DPP6: variants seen among roughly 807,000 people sequenced by gnomAD.
DPP6 encodes the protein A-type potassium channel modulatory protein DPP6.
A neutral mutation model predicts 122.6 loss-of-function variants in DPP6; 69 were observed. The observed-to-expected ratio is 0.56, with a 90% CI of 0.46 to 0.69. The LOEUF (loss-of-function observed/expected upper bound fraction) is 0.69, where lower values mean the gene tolerates loss of function less well. Ranked by LOEUF, DPP6 falls within the 30% of genes least tolerant of loss-of-function variation. The pLI is 0.00. For missense variants in DPP6, 928 were observed against 1,116.9 expected, an observed-to-expected ratio of 0.83 and a Z score of 2.41; for synonymous variants, 418 against 433.1, an observed-to-expected ratio of 0.97 and a Z score of 0.43.
At chr7:154,480,772 G>T (rs1432250679) in intron 3 of DPP6, among the ~76,000 whole-genome samples, 1 of 151,962 alleles carries the variant, frequency 6.6e-6, no homozygotes, top group Admixed American at 6.6e-5. Flanking sequence ...ATATCTCCAA[G>T]TCTCAGTCCT....
intron 1 of DPP6, among the ~76,000 whole-genome samples, chr7:154,430,481 A>G (rs1391593133): frequency 1.3e-5 from 2 of 152,198 alleles, no homozygotes; most frequent in Non-Finnish European, 1.5e-5. Flanking sequence ...GAGAGCACAG[A>G]GCAGGCTCTT....
chr7:154,671,782 C>G (rs1838571881), intron 7 of DPP6, among the ~76,000 whole-genome samples: 1 of 152,138 alleles, frequency 6.6e-6, no homozygotes, highest in Non-Finnish European at 1.5e-5. Context: ...TGTTTAACCT[C>G]TTACAGAATA....
intron 1 of DPP6, among the ~76,000 whole-genome samples, chr7:154,182,993 TG>T (rs1396893246): frequency 6.6e-6 from 1 of 152,162 alleles, no homozygotes; most frequent in African/African-American, 2.4e-5. Context: ...GGTGTTCTTT[TG>T]GGGGATTTCT....
chr7:154,329,238 G>A (rs1435185512), intron 1 of DPP6, among the ~76,000 whole-genome samples: 1 of 152,224 alleles, frequency 6.6e-6, no homozygotes, highest in Admixed American at 6.5e-5. Flanking sequence ...AGTCCAGCAT[G>A]GTCCCATAGA....
At position 154,654,419 on chromosome 7, in the gene DPP6, T is replaced by TTCCTTCCTTCCTTCCTTCCTTCTTTCTC. The variant is rs1563065162; in HGVS notation, c.681-14939_681-14938insCTTCCTTCCTTCCTTCCTTCTTTCTCTC. ...TATATCCAAATCTTTCTTTCTTTCT[T>TTCCTTCCTTCCTTCCTTCCTTCTTTCTC]TCTTTCTTTCTTTTTTTGATACAGC... On this transcript the variant is annotated intron_variant, in intron 6 of 25. Coordinates refer to ENST00000377770, the MANE Select transcript of DPP6 (RefSeq NM_130797.4). Among the ~76,000 whole-genome samples the TTCCTTCCTTCCTTCCTTCCTTCTTTCTC allele has an allele frequency of 2.2e-5, 2 of 89,170 alleles. 1 individual carries two copies. Among genetic ancestry groups the TTCCTTCCTTCCTTCCTTCCTTCTTTCTC allele is most frequent in the Non-Finnish European group, 5.0e-5 (2 of 40,268 alleles). The allele number at this position is 89,170 out of a possible 152,430, so 58.5% of individuals were successfully genotyped here.
At chr7:154,417,556 A>C (rs1817132171) in intron 1 of DPP6, among the ~76,000 whole-genome samples, 2 of 149,864 alleles carry the variant, frequency 1.3e-5, no homozygotes, top group African/African-American at 2.5e-5. Context: ...TTCCCTCCCC[A>C]CCTCCCACCC....
intron 1 of DPP6, among the ~76,000 whole-genome samples, chr7:154,161,209 G>GA (rs1796963303): frequency 6.6e-6 from 1 of 152,296 alleles, no homozygotes; most frequent in Non-Finnish European, 1.5e-5. Flanking sequence ...AGGGTAACAT[G>GA]ATTGCTGCTG....
chr7:153,910,874 C>T (rs1436123544), intron 1 of DPP6, among the ~76,000 whole-genome samples: 4 of 152,128 alleles, frequency 2.6e-5, no homozygotes, highest in Admixed American at 6.6e-5. Context: ...CCACGTCTCC[C>T]CTCCCTCAGG....
At chr7:154,259,537 G>C (rs1802863923) in intron 1 of DPP6, among the ~76,000 whole-genome samples, 2 of 152,186 alleles carry the variant, frequency 1.3e-5, no homozygotes, top group African/African-American at 4.8e-5. Flanking sequence ...GAAAAGAGAG[G>C]AAGAGGTAGA....
chr7:154,201,814 C>G (rs879018166), intron 1 of DPP6, among the ~76,000 whole-genome samples: 1 of 152,202 alleles, frequency 6.6e-6, no homozygotes, highest in Non-Finnish European at 1.5e-5. Context: ...GTTTCTCAAT[C>G]AAAAACCTAA....
intron 1 of DPP6, among the ~76,000 whole-genome samples, chr7:154,078,759 A>T (rs1398145686): frequency 6.6e-6 from 1 of 152,160 alleles, no homozygotes; most frequent in East Asian, 1.9e-4. Flanking sequence ...AAAGAACATG[A>T]AAAGCATTGG....
At chr7:154,272,703 C>T (rs946136600) in intron 1 of DPP6, among the ~76,000 whole-genome samples, 2 of 152,092 alleles carry the variant, frequency 1.3e-5, no homozygotes, top group Admixed American at 1.3e-4. Context: ...CCTTAGACCA[C>T]GGGGGCCTCA....
At chr7:154,008,665 T>C (rs1230875198) in intron 1 of DPP6, among the ~76,000 whole-genome samples, 1 of 142,182 alleles carries the variant, frequency 7.0e-6, no homozygotes, top group East Asian at 2.0e-4. Context: ...TTTCTTTTTT[T>C]TTTTTTTTTT....
In DPP6 at chr7:154,282,599, A is replaced by G. The variant is rs941558616; in HGVS notation, c.244-163615A>G. On this transcript the variant is annotated intron_variant, in intron 1 of 25. Transcript: ENST00000377770. The surrounding 1 kb of genome is among the most constrained non-coding windows in gnomAD (Gnocchi z 4.8). ...AGCCCAGGGCCTCCCTGCCCATGGCATTTTCTCAGGAGCTGTCTCCTTTGA... is the reference window on the plus strand; with the variant it reads ...AGCCCAGGGCCTCCCTGCCCATGGCGTTTTCTCAGGAGCTGTCTCCTTTGA... Among the ~76,000 whole-genome samples the G allele has an allele frequency of 6.6e-6, 1 of 152,106 alleles. No individual in the cohort carries two copies. The highest frequency in any genetic ancestry group is 2.4e-5 in the African/African-American group (1 of 41,410).
intron 3 of DPP6, among the ~76,000 whole-genome samples, chr7:154,487,859 C>G (rs60947499): frequency 0.089 from 13,556 of 152,068 alleles, 1,809 homozygotes; most frequent in African/African-American, 0.29. Flanking sequence ...CACTTGATCT[C>G]TTCGGTAACT....
At chr7:153,989,723 G>T (rs1797058388) in intron 1 of DPP6, among the ~76,000 whole-genome samples, 1 of 152,152 alleles carries the variant, frequency 6.6e-6, no homozygotes, top group South Asian at 2.1e-4. Context: ...TGGTGCAGAG[G>T]TAGGAGGATG....
At chr7:154,410,321 A>T (rs1178965974) in intron 1 of DPP6, among the ~76,000 whole-genome samples, 1 of 152,236 alleles carries the variant, frequency 6.6e-6, no homozygotes. Context: ...ATTCTGGAAA[A>T]AGCAATAAAA....
chr7:153,962,449 T>C (rs1258771054), intron 1 of DPP6, among the ~76,000 whole-genome samples: 2 of 152,184 alleles, frequency 1.3e-5, no homozygotes, highest in Admixed American at 6.5e-5. Context: ...GCCTGAACTT[T>C]CAATATTGAC....
chr7:154,227,479 ATC>A (rs1800681088), intron 1 of DPP6, among the ~76,000 whole-genome samples: 1 of 152,176 alleles, frequency 6.6e-6, no homozygotes, highest in South Asian at 2.1e-4. Context: ...AATTCTAAAA[ATC>A]TGTTGTATAA....
Sources: gnomAD v4.1 joint callset for allele counts (sites outside exome capture counted in the v4.1 genomes callset) on GRCh38, gnomAD v4.1.1 for gene constraint, Gnocchi (gnomAD v3.1) non-coding constraint, MANE v1.5 for transcripts, NCBI Gene and HGNC (gene_info 2026-07-23, HGNC 2026-07-21) for gene names.